DPYD: variants seen among roughly 807,000 people sequenced by gnomAD.
DPYD encodes dihydropyrimidine dehydrogenase, also known as dihydropyrimidine dehydrogenase [NADP(+)].
Under a neutral mutation model 116.2 loss-of-function variants are expected in DPYD, and 109 were observed. The ratio of observed to expected loss-of-function variants is 0.94; its 90% confidence interval spans 0.80 to 1.10. The LOEUF is 1.10. DPYD is among the 50% of genes least tolerant of loss of function. The probability of loss-of-function intolerance (pLI) is 0.00; values close to 1 mark genes in which losing one functional copy is unlikely to be tolerated. For missense variants in DPYD, 1,302 were observed against 1,254.5 expected, an observed-to-expected ratio of 1.04 and a Z score of -0.57; for synonymous variants, 440 against 432.0, an observed-to-expected ratio of 1.02 and a Z score of -0.23.
chr1:97,869,404 A>G (rs754830969), intron 2 of DPYD, among the ~76,000 whole-genome samples: 6 of 151,840 alleles, frequency 4.0e-5, no homozygotes, highest in Non-Finnish European at 8.8e-5. Flanking sequence ...TAAACAAAGG[A>G]AACAATCCAA....
intron 1 of DPYD, among the ~76,000 whole-genome samples, chr1:97,904,996 C>A (rs547125551): frequency 5.3e-5 from 8 of 152,010 alleles, no homozygotes; most frequent in Non-Finnish European, 8.8e-5. Flanking sequence ...TTGACTTACA[C>A]AATTAAAGTT....
intron 16 of DPYD, among the ~76,000 whole-genome samples, chr1:97,365,428 C>CCTCTGG (rs1670978545): frequency 6.6e-6 from 1 of 152,330 alleles, no homozygotes; most frequent in East Asian, 1.9e-4. Context: ...CTCCATCTCA[C>CCTCTGG]CTCTGTCTCT....
intron 14 of DPYD, among the ~76,000 whole-genome samples, chr1:97,409,395 T>C (rs781043904): frequency 2.0e-5 from 3 of 152,288 alleles, no homozygotes; most frequent in Non-Finnish European, 4.4e-5. Flanking sequence ...ACATGGGCTA[T>C]GTCTTCTATC....
intron 16 of DPYD, among the ~76,000 whole-genome samples, chr1:97,345,041 G>A (rs1669773666): frequency 6.6e-6 from 1 of 151,786 alleles, no homozygotes; most frequent in Admixed American, 6.6e-5. Context: ...ATCTGTGTTG[G>A]TTTAATTCGT....
At chr1:97,085,877 A>G (rs557277461) in intron 21 of DPYD, among the ~76,000 whole-genome samples, 1 of 152,340 alleles carries the variant, frequency 6.6e-6, no homozygotes, top group South Asian at 2.1e-4. Flanking sequence ...GGAAATGGTT[A>G]TATGTAGATA....
chr1:97,692,147 T>C (rs1661041621), intron 6 of DPYD, among the ~76,000 whole-genome samples: 1 of 152,066 alleles, frequency 6.6e-6, no homozygotes, highest in Non-Finnish European at 1.5e-5. Flanking sequence ...AGATAAAAAA[T>C]CTTAAAATCT....
At chr1:97,204,121 T>C (rs895074511) in intron 19 of DPYD, among the ~76,000 whole-genome samples, 2 of 152,144 alleles carry the variant, frequency 1.3e-5, no homozygotes, top group Admixed American at 1.3e-4. Flanking sequence ...TTGAAGTTAA[T>C]ATATGGTAAA....
rs184403120 is a variant in DPYD, at chr1:97,642,397, T to C, written c.850+36698A>G. On this transcript the variant is annotated intron_variant, in intron 8 of 22. Coordinates refer to ENST00000370192, the MANE Select transcript of DPYD (RefSeq NM_000110.4). Reference sequence around the variant, plus strand: ...TGGTACTGGTACCAACACAGATATATAGACCAATGGAACAGAACAGAGGCC... The same window carrying C: ...TGGTACTGGTACCAACACAGATATACAGACCAATGGAACAGAACAGAGGCC... Among the ~76,000 whole-genome samples the C allele has an allele frequency of 2.0e-5, 3 of 152,044 alleles. No homozygotes were observed. In the East Asian group the frequency reaches 5.8e-4, roughly 30 times the overall value.
At chr1:97,794,007 G>A (rs1043328278) in intron 3 of DPYD, among the ~76,000 whole-genome samples, 5 of 152,122 alleles carry the variant, frequency 3.3e-5, no homozygotes, top group African/African-American at 1.2e-4. Flanking sequence ...GTGCAATCAT[G>A]GCTCACTGCA....
At chr1:97,854,164 C>T (rs1482133559) in intron 2 of DPYD, among the ~76,000 whole-genome samples, 5 of 152,050 alleles carry the variant, frequency 3.3e-5, no homozygotes, top group Admixed American at 6.6e-5. Flanking sequence ...ATTTTTCAAG[C>T]CTCTATGCAA....
At chr1:97,546,351 G>A (rs1220082446) in intron 12 of DPYD, 7 of 1,423,582 alleles carry the variant, frequency 4.9e-6, no homozygotes, top group African/African-American at 1.4e-5. Context: ...GAGTTGTTGG[G>A]AATGAAGCTG....
At chr1:97,817,471 T>G (rs1043806838) in intron 3 of DPYD, among the ~76,000 whole-genome samples, 2 of 152,058 alleles carry the variant, frequency 1.3e-5, no homozygotes, top group African/African-American at 4.8e-5. Context: ...ATATTATAAC[T>G]AAATGTCAAT....
intron 16 of DPYD, among the ~76,000 whole-genome samples, chr1:97,333,034 C>T (rs182715126): frequency 2.0e-5 from 3 of 151,352 alleles, no homozygotes; most frequent in Admixed American, 6.6e-5. Context: ...ATTTAAAAGA[C>T]CCCCAAAGAA....
chr1:97,613,116 T>A (rs944846325), intron 8 of DPYD, among the ~76,000 whole-genome samples: 2 of 151,926 alleles, frequency 1.3e-5, no homozygotes, highest in African/African-American at 4.8e-5. Flanking sequence ...TTTCTGCCCT[T>A]CCCTTGATTC....
chr1:97,691,806 G>A lies in DPYD; in HGVS notation c.681-8C>T, dbSNP rs74774246. The A allele has an allele frequency of 2.4e-3, 3,889 of 1,612,308 alleles. 78 individuals carry two copies. The African/African-American group carries it at 0.045, about 18-fold the overall frequency. Reference sequence around the variant, plus strand: ...TGAGGAATTTCAGAAGTACTGAAAAGAAAGGAGAAAGAAAAACAGGCATCA... The same window carrying A: ...TGAGGAATTTCAGAAGTACTGAAAAAAAAGGAGAAAGAAAAACAGGCATCA... On this transcript the variant is annotated splice_polypyrimidine_tract_variant and splice_region_variant and intron_variant, in intron 6 of 22. Transcript: ENST00000370192.
chr1:97,220,266 C>T (rs1006348253), intron 19 of DPYD, among the ~76,000 whole-genome samples: 1 of 152,064 alleles, frequency 6.6e-6, no homozygotes, highest in Non-Finnish European at 1.5e-5. Flanking sequence ...CCTGAACTAG[C>T]GCATTAGCAA....
intron 2 of DPYD, among the ~76,000 whole-genome samples, chr1:97,867,759 G>A (rs1021021481): frequency 2.6e-5 from 4 of 151,786 alleles, no homozygotes; most frequent in African/African-American, 7.3e-5. Context: ...AGCTCACAAC[G>A]AACATCATAT....
At chr1:97,220,615 A>G (rs1660713188) in intron 19 of DPYD, among the ~76,000 whole-genome samples, 1 of 152,116 alleles carries the variant, frequency 6.6e-6, no homozygotes, top group Non-Finnish European at 1.5e-5. Flanking sequence ...CCATTTTATG[A>G]TAGTTCATTG....
At chr1:97,878,704 C>T (rs187466672) in intron 2 of DPYD, among the ~76,000 whole-genome samples, 15 of 152,086 alleles carry the variant, frequency 9.9e-5, no homozygotes, top group Non-Finnish European at 1.8e-4. Context: ...CCATGGTCCA[C>T]ACTGAAAGCT....
Sources: gnomAD v4.1 joint callset for allele counts (sites outside exome capture counted in the v4.1 genomes callset) on GRCh38, gnomAD v4.1.1 for gene constraint, MANE v1.5 for transcripts, NCBI Gene and HGNC (gene_info 2026-07-23, HGNC 2026-07-21) for gene names.